The following SZT2 variants were observed in gnomAD, a reference collection of about 807,000 sequenced individuals.
SZT2 encodes the protein SZT2 subunit of KICSTOR complex.
In SZT2, 216 loss-of-function variants were observed where a neutral mutation model predicts 404.2. The observed-to-expected ratio is 0.53, with a 90% CI of 0.48 to 0.60. SZT2 has a LOEUF of 0.60. SZT2 is among the 20% of genes least tolerant of loss of function. The pLI, the probability that SZT2 is intolerant of heterozygous loss-of-function variation, is 0.00. For synonymous variants in SZT2, 1,693 were observed against 1,749.9 expected (o/e 0.97, Z 0.81); for missense variants, 3,857 against 4,459.2 (o/e 0.86, Z 3.85).
intron 6 of SZT2, among the ~76,000 whole-genome samples, 162 bp from the exon 7 acceptor site, chr1:43,416,373 G>A (rs775055065): frequency 1.3e-5 from 2 of 152,192 alleles, no homozygotes; most frequent in Non-Finnish European, 2.9e-5. Context: ...GAGGGTAAGG[G>A]AGAAGGAAAG....
intron 5 of SZT2, 67 bp from the exon 6 acceptor site, chr1:43,415,893 T>A: frequency 6.6e-7 from 1 of 1,519,910 alleles, no homozygotes; most frequent in Non-Finnish European, 8.8e-7. Flanking sequence ...CTATAAATTC[T>A]GGCTTTGCTA....
chr1:43,452,133 C>T lies in SZT2; in HGVS notation c.*1653C>T. 6.7e-7 allele frequency: 1 copy of T among 1,491,732 alleles called. No individual in the cohort carries two copies. Among genetic ancestry groups the T allele is most frequent in the Non-Finnish European group, 9.3e-7 (1 of 1,078,184 alleles). The allele number at this position is 1,491,732 out of a possible 1,614,324, so 92.4% of individuals were successfully genotyped here. ...CTAGGCTGGCAGCCTCACGTGCTGT[C>T]CCCACTGTGCACCCCCTTCTCCGCA... is the stretch of plus-strand genomic sequence containing the variant. On this transcript the variant is annotated 3_prime_UTR_variant, in exon 72 of 72. Transcript: ENST00000634258.
Position 43,450,973 on chromosome 1 carries a change from G to A in SZT2, c.*493G>A. On this transcript the variant is annotated 3_prime_UTR_variant, in exon 72 of 72. Coordinates refer to ENST00000634258, the MANE Select transcript of SZT2 (RefSeq NM_001365999.1). The surrounding 1 kb of genome is among the most constrained non-coding windows in gnomAD (Gnocchi z 4.3). ...CAGCTCTGCCTTTGAAGCACTTGTG[G>A]CCACCGTCAAGTCCCTTTGCTCTCG... 3 of 763,518 alleles carry A rather than the reference G, an allele frequency of 3.9e-6. No individual in the cohort carries two copies. The highest frequency in any genetic ancestry group is 7.2e-6 in the Non-Finnish European group (3 of 417,556). 47.3% of individuals were successfully genotyped at this position (763,518 alleles called of 1,614,324 possible).
chr1:43,438,194 G>T (rs539031024), intron 46 of SZT2: 3 of 415,164 alleles, frequency 7.2e-6, no homozygotes, highest in East Asian at 1.1e-4. Flanking sequence ...CATGTTCAGG[G>T]TTAGGACTGC....
In SZT2 at chr1:43,434,419, T is replaced by G; in HGVS notation, c.5838T>G (p.Thr1946=). Residue 1946 remains threonine (T), a synonymous_variant, in exon 41 of 72, where the codon ACT becomes ACG. Coordinates refer to ENST00000634258, the MANE Select transcript of SZT2 (RefSeq NM_001365999.1). ...TTCGGGAGGATGGGGGGCCGGGCAC[T>G]GAGTGTCGCCACCTGCAGCAGCTCC... ...SLIREDGGPG[T]ECRHLQQLLV... 6.3e-7 allele frequency: 1 copy of G among 1,598,702 alleles called. No homozygotes were observed. Among genetic ancestry groups the G allele is most frequent in the Non-Finnish European group, 8.5e-7 (1 of 1,174,302 alleles).
chr1:43,434,335 CAT>C, intron 40 of SZT2, 49 bp from the exon 41 acceptor site: 1 of 1,472,676 alleles, frequency 6.8e-7, no homozygotes, highest in Non-Finnish European at 9.3e-7. Flanking sequence ...CATGCCATTA[CAT>C]ATAACTCCTC....
chr1:43,449,776 AGAGAG>A, intron 70 of SZT2: 1 of 451,542 alleles, frequency 2.2e-6, no homozygotes, highest in Non-Finnish European at 4.1e-6. Context: ...AGGGGTGGTC[AGAGAG>A]GAGTCCCAGG....
chr1:43,414,194 T>C (rs1651419874), intron 4 of SZT2, among the ~76,000 whole-genome samples: 1 of 151,956 alleles, frequency 6.6e-6, no homozygotes, highest in Non-Finnish European at 1.5e-5. Flanking sequence ...GCACAAGAAT[T>C]GCTTGAACCC....
intron 1 of SZT2, among the ~76,000 whole-genome samples, chr1:43,402,171 C>G (rs537481885): frequency 6.6e-6 from 1 of 152,340 alleles, no homozygotes; most frequent in South Asian, 2.1e-4. Flanking sequence ...ACCTGGTGTT[C>G]TTTCCCTCAT....
chr1:43,443,097 TGGGCCAGGCAGCA>T lies in SZT2; in HGVS notation c.8419+15_8419+27del. ...TGGCAGAGCGCAGAGGTGAGGGTAC[TGGGCCAGGCAGCA>T]GGGACAGGAAATCTGTGGAGTCTGG... On this transcript the variant is annotated intron_variant, in intron 59 of 71. Coordinates refer to ENST00000634258, the MANE Select transcript of SZT2 (RefSeq NM_001365999.1). 6.2e-7 allele frequency: 1 copy of T among 1,611,664 alleles called. No homozygotes were observed. Among genetic ancestry groups the T allele is most frequent in the Middle Eastern group, 1.7e-4 (1 of 6,046 alleles).
Position 43,432,807 on chromosome 1 carries a change from G to T in SZT2, c.5602+8G>T. On this transcript the variant is annotated splice_region_variant and intron_variant, in intron 39 of 71. Transcript: ENST00000634258. ...TGGACTCAGACCACCTAGGTAAGCT[G>T]GGGGGACGGGGTGAAGGACTCTAAG... is the stretch of plus-strand genomic sequence containing the variant. 2 of 1,613,120 alleles carry T rather than the reference G, an allele frequency of 1.2e-6. No individual in the cohort carries two copies. Among genetic ancestry groups the T allele is most frequent in the African/African-American group, 1.3e-5 (1 of 74,990 alleles).
chr1:43,410,951 C>T (rs2153930863), intron 4 of SZT2, among the ~76,000 whole-genome samples: 1 of 152,174 alleles, frequency 6.6e-6, no homozygotes, highest in East Asian at 1.9e-4. Context: ...TCCTGTGCTG[C>T]CCTGCCTGGG....
At position 43,419,834 on chromosome 1, in the gene SZT2, C is replaced by G; in HGVS notation, c.980C>G (p.Thr327Ser). The change falls in exon 8 of 72, where the codon ACT (threonine) becomes AGT (serine). Residue 327 changes from threonine to serine, a missense_variant. Thr to Ser is a moderately conservative substitution (Grantham distance 58, BLOSUM62 1). Transcript: ENST00000634258. The stretch of plus-strand genomic sequence containing the variant: ...GCAACATTTGGGTCCTACCTGTCCA[C>G]TTGTCCTGAGCCGGAGCCAGGCAAC... ...AMATFGSYLS[T>S]CPEPEPGNLG... 1 of 1,598,508 alleles carries G rather than the reference C, an allele frequency of 6.3e-7. No homozygotes were observed. Among genetic ancestry groups the G allele is most frequent in the Non-Finnish European group, 8.5e-7 (1 of 1,179,818 alleles).
In SZT2 at chr1:43,452,097, G is replaced by C; in HGVS notation, c.*1617G>C. ...CAGTCACTGGTCAAGGCCCTCACCTGTTCCTCTGACCTAGGCTGGCAGCCT... is the reference window on the plus strand; with the variant it reads ...CAGTCACTGGTCAAGGCCCTCACCTCTTCCTCTGACCTAGGCTGGCAGCCT... On this transcript the variant is annotated 3_prime_UTR_variant, in exon 72 of 72. Transcript: ENST00000634258. 6 of 1,515,288 alleles carry C rather than the reference G, an allele frequency of 4.0e-6. No individual in the cohort carries two copies. The highest frequency in any genetic ancestry group is 1.8e-5 in the Admixed American group (1 of 56,916). The allele number at this position is 1,515,288 out of a possible 1,614,324, so 93.9% of individuals were successfully genotyped here. A position where few individuals can be genotyped will look rare whatever the true frequency, so the allele number is the denominator to read the frequency against.
rs1295828074 is a variant in SZT2, at chr1:43,403,236, T to A, written c.87T>A (p.Asn29Lys). 3 of 1,614,164 alleles carry A rather than the reference T, an allele frequency of 1.9e-6. No individual in the cohort carries two copies. Among genetic ancestry groups the A allele is most frequent in the East Asian group, 4.5e-5 (2 of 44,880 alleles). ...LMKKDYRISR[N>K]VRLAWFLSHL... The stretch of plus-strand genomic sequence containing the variant: ...AAAAGGATTATCGAATCTCCCGAAA[T>A]GTTCGCCTGGCTTGGTTCCTCAGTC... The change falls in exon 2 of 72, where the codon AAT becomes AAA. Residue 29 changes from asparagine (N) to lysine (K), a missense_variant. Transcript: ENST00000634258.
intron 7 of SZT2, among the ~76,000 whole-genome samples, chr1:43,418,971 C>G (rs1012664367): frequency 3.9e-5 from 6 of 152,162 alleles, no homozygotes; most frequent in African/African-American, 1.4e-4. Context: ...AGCCTATAGG[C>G]AGGTGAATGG....
At position 43,435,339 on chromosome 1, in the gene SZT2, CA is replaced by C. The variant is rs1654348566; in HGVS notation, c.6034+11del. 3 of 1,613,246 alleles carry C rather than the reference CA, an allele frequency of 1.9e-6. No individual in the cohort carries two copies. The highest frequency in any genetic ancestry group is 8.5e-7 in the Non-Finnish European group (1 of 1,179,520). ...CCACTGCCCAGTGATGGTGAGATCC[CA>C]CCCAGGAGCCTCCCTCACAAGGCAG... is the stretch of plus-strand genomic sequence containing the variant. On this transcript the variant is annotated intron_variant, in intron 42 of 71. Coordinates refer to ENST00000634258, the MANE Select transcript of SZT2 (RefSeq NM_001365999.1).
At chr1:43,392,678 G>A (rs1419650712) in intron 1 of SZT2, among the ~76,000 whole-genome samples, 1 of 152,188 alleles carries the variant, frequency 6.6e-6, no homozygotes, top group African/African-American at 2.4e-5. Flanking sequence ...TTCCCAAAGT[G>A]CTGGGATTAC....
intron 5 of SZT2, among the ~76,000 whole-genome samples, 154 bp downstream of exon 5, chr1:43,415,367 T>A (rs1184522989): frequency 6.6e-6 from 1 of 152,196 alleles, no homozygotes; most frequent in Non-Finnish European, 1.5e-5. Flanking sequence ...ACACTCCCTG[T>A]TGGAGCAGGA....
Sources: gnomAD v4.1 joint callset for allele counts (sites outside exome capture counted in the v4.1 genomes callset) on GRCh38, gnomAD v4.1.1 for gene constraint, Gnocchi (gnomAD v3.1) non-coding constraint, MANE v1.5 for transcripts, NCBI Gene and HGNC (gene_info 2026-07-23, HGNC 2026-07-21) for gene names.